SPINT2: variants seen among roughly 807,000 people sequenced by gnomAD.
SPINT2 encodes the protein kunitz-type protease inhibitor 2.
A neutral mutation model predicts 30.1 loss-of-function variants in SPINT2; 18 were observed. The ratio of observed to expected loss-of-function variants is 0.60; its 90% CI spans 0.41 to 0.89. The LOEUF (loss-of-function observed/expected upper bound fraction) is 0.89, where lower values mean the gene tolerates loss of function less well. SPINT2 is among the 40% of genes least tolerant of loss of function. The pLI is 0.00. For synonymous variants in SPINT2, 139 were observed against 137.9 expected, an observed-to-expected ratio of 1.01 and a Z score of -0.05; for missense variants, 276 against 334.3, an observed-to-expected ratio of 0.83 and a Z score of 1.36.
chr19:38,273,409 G>A (rs1229886625), intron 1 of SPINT2, among the ~76,000 whole-genome samples: 2 of 152,156 alleles, frequency 1.3e-5, no homozygotes, highest in Non-Finnish European at 2.9e-5. Flanking sequence ...CTGTCATTCA[G>A]TACCTGTTTT....
intron 1 of SPINT2, among the ~76,000 whole-genome samples, chr19:38,273,161 T>G (rs1369348219): frequency 6.6e-6 from 1 of 151,480 alleles, no homozygotes; most frequent in Non-Finnish European, 1.5e-5. Flanking sequence ...ATACCTGAGG[T>G]TTTTTTTTGA....
intron 1 of SPINT2, among the ~76,000 whole-genome samples, chr19:38,281,273 A>C (rs971713683): frequency 6.6e-6 from 1 of 152,142 alleles, no homozygotes; most frequent in African/African-American, 2.4e-5. Flanking sequence ...ATTTAAAAAA[A>C]AAATTTTTTT....
In SPINT2 at chr19:38,290,183, C is replaced by A. The variant is rs373558499; in HGVS notation, c.456C>A (p.Asp152Glu). 36 of 1,612,532 alleles carry A rather than the reference C, an allele frequency of 2.2e-5. No individual in the cohort carries two copies. Among genetic ancestry groups the A allele is most frequent in the Non-Finnish European group, 2.6e-5 (31 of 1,180,040 alleles). The change falls in exon 5 of 7, where the codon GAC (aspartate) becomes GAA (glutamate). Residue 152 changes from aspartate to glutamate, a missense_variant. Physicochemically the swap from Asp to Glu is conservative, Grantham distance 45. Transcript: ENST00000301244. The surrounding 1 kb of genome is among the most constrained non-coding windows in gnomAD (Gnocchi z 4.3). ...CATCCTTCCCACGCTGGTACTTTGA[C>A]GTGGAGAGGAACTCCTGCAATAACT... is the stretch of plus-strand genomic sequence containing the variant. Reference protein sequence around the residue: ...CRASFPRWYFDVERNSCNNFI... With the variant: ...CRASFPRWYFEVERNSCNNFI...
chr19:38,289,298 C>A (rs910209186), intron 4 of SPINT2, 107 bp downstream of exon 4: 4 of 941,308 alleles, frequency 4.2e-6, no homozygotes, highest in Non-Finnish European at 5.1e-6. Context: ...ACCATCCTAA[C>A]ATGGTGAAAC....
At chr19:38,288,887 G>A (rs1006402985) in intron 3 of SPINT2, 10 of 527,304 alleles carry the variant, frequency 1.9e-5, no homozygotes, top group Admixed American at 3.1e-5. Context: ...TATAATATTA[G>A]GAGCTGTGGC....
At chr19:38,288,913 A>G (rs1968675963) in intron 3 of SPINT2, 3 of 562,532 alleles carry the variant, frequency 5.3e-6, no homozygotes, top group Non-Finnish European at 9.6e-6. Flanking sequence ...TGGTTTCTAT[A>G]GGAACCCTGA....
chr19:38,288,081 GC>G, intron 3 of SPINT2, 146 bp downstream of exon 3: 1 of 855,516 alleles, frequency 1.2e-6, no homozygotes. Flanking sequence ...TGCCTGGGCT[GC>G]CGGCTTCTGG....
intron 1 of SPINT2, among the ~76,000 whole-genome samples, chr19:38,274,598 A>G (rs1968494575): frequency 1.3e-5 from 2 of 152,096 alleles, no homozygotes; most frequent in African/African-American, 4.8e-5. Context: ...TAGGCAGATC[A>G]CTTGAGGTTA....
chr19:38,278,349 C>G (rs1038236369), intron 1 of SPINT2, among the ~76,000 whole-genome samples: 1 of 152,224 alleles, frequency 6.6e-6, no homozygotes. Context: ...AGTGCCTGGG[C>G]TCTCATCAGA....
chr19:38,271,877 G>A (rs1324908366), intron 1 of SPINT2, among the ~76,000 whole-genome samples: 2 of 151,944 alleles, frequency 1.3e-5, no homozygotes, highest in East Asian at 3.9e-4. Flanking sequence ...TGGAGATGGA[G>A]CTCAGGGTGA....
At chr19:38,279,877 C>T (rs182102921) in intron 1 of SPINT2, among the ~76,000 whole-genome samples, 7 of 152,290 alleles carry the variant, frequency 4.6e-5, no homozygotes, top group Non-Finnish European at 1.5e-5. Flanking sequence ...TGGTCTCGAA[C>T]TCCTGACCTC....
intron 1 of SPINT2, among the ~76,000 whole-genome samples, chr19:38,272,756 C>T (rs975672909): frequency 3.3e-5 from 5 of 152,112 alleles, no homozygotes; most frequent in Non-Finnish European, 7.4e-5. Context: ...GAGTCTCTGT[C>T]GCCCAGACTC....
chr19:38,289,272 A>G (rs3745949), intron 4 of SPINT2, 81 bp downstream of exon 4: 160,863 of 1,208,800 alleles, frequency 0.13, 12,503 homozygotes, highest in East Asian at 0.35. Flanking sequence ...GCGGATCACG[A>G]GGTCAGGATA....
At chr19:38,268,739 GAGAC>G (rs760991866) in intron 1 of SPINT2, among the ~76,000 whole-genome samples, 26 of 149,652 alleles carry the variant, frequency 1.7e-4, no homozygotes, top group Admixed American at 1.0e-3. Flanking sequence ...ATTACAGTGT[GAGAC>G]AGAGAGAGAG....
At chr19:38,291,626 T>C in intron 6 of SPINT2, 1 of 590,052 alleles carries the variant, frequency 1.7e-6, no homozygotes. Context: ...GGCACGCACA[T>C]AGCATGGCGC....
At chr19:38,269,400 CTTTTT>C (rs397859727) in intron 1 of SPINT2, among the ~76,000 whole-genome samples, 1 of 64,896 alleles carries the variant, frequency 1.5e-5, no homozygotes, top group Non-Finnish European at 2.7e-5. Context: ...TCTCCTGCAC[CTTTTT>C]TTTTTTTTTT....
intron 1 of SPINT2, among the ~76,000 whole-genome samples, chr19:38,272,371 A>C (rs548694662): frequency 6.6e-6 from 1 of 152,098 alleles, no homozygotes; most frequent in Non-Finnish European, 1.5e-5. Flanking sequence ...TGGTGTTAAA[A>C]TTTTGTGGGG....
intron 1 of SPINT2, among the ~76,000 whole-genome samples, chr19:38,269,220 C>T (rs917068735): frequency 1.3e-5 from 2 of 151,966 alleles, no homozygotes; most frequent in Non-Finnish European, 2.9e-5. Context: ...GCTTCAGCCT[C>T]CTGAGTAGCT....
intron 3 of SPINT2, 24 bp from the exon 4 acceptor site, chr19:38,289,114 C>G: frequency 1.2e-6 from 2 of 1,612,570 alleles, no homozygotes; most frequent in East Asian, 2.2e-5. Flanking sequence ...CCCAGCCTCC[C>G]TAACACAGAT....
Sources: gnomAD v4.1 joint callset for allele counts (sites outside exome capture counted in the v4.1 genomes callset) on GRCh38, gnomAD v4.1.1 for gene constraint, Gnocchi (gnomAD v3.1) non-coding constraint, MANE v1.5 for transcripts, NCBI Gene and HGNC (gene_info 2026-07-23, HGNC 2026-07-21) for gene names.